The following HS1BP3 variants were observed in gnomAD, a reference collection of about 807,000 sequenced individuals.
HS1BP3 encodes HCLS1 binding protein 3.
HS1BP3 carries 32 observed loss-of-function variants against 33.5 expected under a neutral mutation model. That is an observed-to-expected ratio of 0.95 (90% CI 0.72 to 1.28). The LOEUF (loss-of-function observed/expected upper bound fraction) is 1.28. Ranked by LOEUF, HS1BP3 falls within the 50% of genes most tolerant of loss-of-function variation. HS1BP3 has a pLI of 0.00. For missense variants in HS1BP3, 486 were observed against 502.3 expected, an observed-to-expected ratio of 0.97 and a Z score of 0.31; for synonymous variants, 187 against 209.2, an observed-to-expected ratio of 0.89 and a Z score of 0.92.
intron 2 of HS1BP3, among the ~76,000 whole-genome samples, chr2:20,603,552 G>T (rs1694112832): frequency 6.6e-6 from 1 of 152,214 alleles, no homozygotes; most frequent in African/African-American, 2.4e-5. Flanking sequence ...GAGAGAGATA[G>T]AAAGTAGATT....
intron 4 of HS1BP3, chr2:20,637,302 G>C (rs1695166833): frequency 1.3e-5 from 2 of 152,228 alleles, no homozygotes; most frequent in African/African-American, 4.8e-5. Flanking sequence ...CCAAAATAAA[G>C]CCCAAGAAAG....
chr2:20,557,306 G>A (rs1264536482), downstream of HS1BP3, among the ~76,000 whole-genome samples: 1 of 152,174 alleles, frequency 6.6e-6, no homozygotes. Flanking sequence ...CTGCCTTCCA[G>A]ACAAAGACCT....
chr2:20,629,749 T>C (rs149814297), intron 4 of HS1BP3, among the ~76,000 whole-genome samples: 14 of 152,346 alleles, frequency 9.2e-5, no homozygotes, highest in Non-Finnish European at 1.8e-4. Context: ...TTTCCTGCTG[T>C]GTATTCCTGA....
Position 20,618,883 on chromosome 2 carries a change from C to A in HS1BP3, c.*104G>T. ...TGTGACCCAGGCTTCTGCCTGGCCT[C>A]CCCTGGGGGTGGGGAGGTTCTGACC... On this transcript the variant is annotated 3_prime_UTR_variant, in exon 7 of 7. Coordinates refer to ENST00000304031, the MANE Select transcript of HS1BP3 (RefSeq NM_022460.4). The A allele has an allele frequency of 6.8e-7, 1 of 1,465,140 alleles. No individual in the cohort carries two copies. Among genetic ancestry groups the A allele is most frequent in the Non-Finnish European group, 9.0e-7 (1 of 1,111,072 alleles). The allele number at this position is 1,465,140 out of a possible 1,614,324, so 90.8% of individuals were successfully genotyped here.
At chr2:20,558,618 C>T (rs934784920), downstream of HS1BP3, among the ~76,000 whole-genome samples, 1 of 152,186 alleles carries the variant, frequency 6.6e-6, no homozygotes, top group African/African-American at 2.4e-5. Flanking sequence ...ACTGTGAATT[C>T]TACCTTCAAG....
intron 5 of HS1BP3, among the ~76,000 whole-genome samples, chr2:20,574,061 C>T (rs891633157): frequency 6.6e-6 from 1 of 152,212 alleles, no homozygotes; most frequent in Non-Finnish European, 1.5e-5. Flanking sequence ...CCCTCAAAAA[C>T]CCAGGGAAGT....
In HS1BP3 at chr2:20,604,451, C is replaced by T. The variant is rs371749236; in HGVS notation, c.179-6186G>A. Among the ~76,000 whole-genome samples, 34 of 152,274 alleles carry T rather than the reference C, an allele frequency of 2.2e-4. 1 individual carries two copies. Among genetic ancestry groups the T allele is most frequent in the East Asian group, 2.1e-3 (11 of 5,174 alleles). On this transcript the variant is annotated intron_variant, in intron 2 of 3. Transcript: ENST00000415264. ...AGGCCTCCTCGTGTTAGAGACAGGT[C>T]GACTGAGGTCCAGGGATAGGTGAGC...
chr2:20,556,153 T>C (rs1692836553), downstream of HS1BP3, among the ~76,000 whole-genome samples: 1 of 152,248 alleles, frequency 6.6e-6, no homozygotes, highest in East Asian at 1.9e-4. Context: ...TAGATCTTTA[T>C]TTCACAGTTT....
intron 5 of HS1BP3, among the ~76,000 whole-genome samples, chr2:20,572,558 C>T (rs960070589): frequency 3.3e-5 from 5 of 150,812 alleles, no homozygotes; most frequent in East Asian, 2.0e-4. Flanking sequence ...TGTGAGATCT[C>T]GGTCAGGTTA....
At chr2:20,627,516 G>T (rs13430232) in intron 4 of HS1BP3, among the ~76,000 whole-genome samples, 19,362 of 152,234 alleles carry the variant, frequency 0.13, 2,280 homozygotes, top group African/African-American at 0.31. Context: ...CACCTGGTCT[G>T]GACAGCACAC....
intron 5 of HS1BP3, among the ~76,000 whole-genome samples, chr2:20,563,925 C>T (rs955875568): frequency 2.6e-5 from 4 of 152,118 alleles, no homozygotes; most frequent in Admixed American, 6.6e-5. Context: ...TTGAGAAGCT[C>T]GGGGCAATGG....
At chr2:20,638,070 C>G in intron 4 of HS1BP3, 2 of 430,574 alleles carry the variant, frequency 4.6e-6, no homozygotes, top group Non-Finnish European at 8.2e-6. Flanking sequence ...GCAGCCACCT[C>G]TGCGAGTCCC....
intron 1 of HS1BP3, among the ~76,000 whole-genome samples, chr2:20,650,294 A>C (rs1695652140): frequency 6.6e-6 from 1 of 152,122 alleles, no homozygotes; most frequent in Non-Finnish European, 1.5e-5. Context: ...ATTTGAAGTA[A>C]ATCACTTTAC....
downstream of HS1BP3, among the ~76,000 whole-genome samples, chr2:20,589,210 C>T (rs1334765352): frequency 6.6e-6 from 1 of 152,210 alleles, no homozygotes; most frequent in Non-Finnish European, 1.5e-5. Flanking sequence ...CTCAGGATAG[C>T]CCATCCCAGG....
intron 2 of HS1BP3, among the ~76,000 whole-genome samples, chr2:20,605,452 C>T (rs1694154922): frequency 6.6e-6 from 1 of 152,130 alleles, no homozygotes; most frequent in Non-Finnish European, 1.5e-5. Context: ...ATACACATCA[C>T]ATAAAATTTA....
intron 2 of HS1BP3, among the ~76,000 whole-genome samples, chr2:20,642,123 C>G (rs899384487): frequency 6.6e-6 from 1 of 152,236 alleles, no homozygotes; most frequent in Non-Finnish European, 1.5e-5. Context: ...GTGCTTTCCC[C>G]ATAGACTGGG....
At chr2:20,628,359 G>A (rs11687806) in intron 4 of HS1BP3, among the ~76,000 whole-genome samples, 50,082 of 151,888 alleles carry the variant, frequency 0.33, 8,604 homozygotes, top group East Asian at 0.59. Flanking sequence ...GGAGGCTGAG[G>A]TGGGTGAATT....
downstream of HS1BP3, among the ~76,000 whole-genome samples, chr2:20,616,342 A>G (rs369193118): frequency 4.4e-4 from 67 of 152,246 alleles, no homozygotes; most frequent in African/African-American, 1.4e-3. Context: ...CTAGTTCTCT[A>G]GTGGATTTCA....
At chr2:20,607,608 A>G (rs1003755886) in intron 2 of HS1BP3, among the ~76,000 whole-genome samples, 3 of 152,342 alleles carry the variant, frequency 2.0e-5, no homozygotes, top group African/African-American at 7.2e-5. Context: ...CAGTTGATCT[A>G]TATGTCTATC....
Sources: allele counts gnomAD v4.1 joint callset (sites outside exome capture counted in the v4.1 genomes callset), GRCh38; gene constraint gnomAD v4.1.1; transcripts MANE v1.5; gene names NCBI Gene and HGNC (gene_info 2026-07-23, HGNC 2026-07-21).